The following EVC variants were observed in gnomAD, a reference collection of about 807,000 sequenced individuals.
EVC encodes the protein EvC ciliary complex subunit 1.
Under a neutral mutation model 118.9 loss-of-function variants are expected in EVC, and 116 were observed. That is an observed-to-expected ratio of 0.98 (90% CI 0.84 to 1.14). EVC has a LOEUF of 1.14. Among genes scored for constraint, EVC ranks in the 50% most tolerant of loss-of-function variants. The pLI, the probability that EVC is intolerant of heterozygous loss-of-function variation, is 0.00. For missense variants in EVC, 1,401 were observed against 1,246.4 expected (o/e 1.12, Z -1.87); for synonymous variants, 619 against 534.7 (o/e 1.16, Z -2.18).
intron 12 of EVC, among the ~76,000 whole-genome samples, chr4:5,784,748 C>A (rs1327139053): frequency 1.3e-5 from 2 of 151,460 alleles, no homozygotes; most frequent in East Asian, 3.9e-4. Context: ...GCTGGGATTA[C>A]AGGCACGTGC....
In EVC at chr4:5,762,314, G is replaced by C. The variant is rs1023495557; in HGVS notation, c.1563+5952G>C. 9.1e-4 allele frequency among the ~76,000 whole-genome samples: 125 copies of C among 137,494 alleles called. 2 individuals are homozygous for C. Among genetic ancestry groups the C allele is most frequent in the Non-Finnish European group, 1.4e-3 (91 of 63,228 alleles). 90.2% of individuals were successfully genotyped at this position (137,494 alleles called of 152,430 possible). A position where few individuals can be genotyped will look rare whatever the true frequency, so the allele number is the denominator to read the frequency against. On this transcript the variant is annotated intron_variant, in intron 11 of 20. Transcript: ENST00000264956. Reference sequence around the variant, plus strand: ...TCCAGTCTATCATTGTTGGACATTTGGGTTGGTTCCAAGTCTTTGCTATTG... The same window carrying C: ...TCCAGTCTATCATTGTTGGACATTTCGGTTGGTTCCAAGTCTTTGCTATTG...
chr4:5,787,057 A>C lies in EVC; in HGVS notation c.1776+3293A>C, dbSNP rs189998032. Among the ~76,000 whole-genome samples the C allele has an allele frequency of 3.3e-3, 502 of 152,268 alleles. 2 individuals are homozygous for C. The highest frequency in any genetic ancestry group is 5.5e-3 in the Non-Finnish European group (371 of 68,004). ...ATCGACTACAAATTGCCTTTCCCAC[A>C]TTGTTTTCTATCCAAAAAGACAGTG... On this transcript the variant is annotated intron_variant, in intron 12 of 20. Coordinates refer to ENST00000264956, the MANE Select transcript of EVC (RefSeq NM_153717.3).
chr4:5,739,495 C>A (rs1272635977), intron 5 of EVC, among the ~76,000 whole-genome samples: 1 of 152,136 alleles, frequency 6.6e-6, no homozygotes, highest in African/African-American at 2.4e-5. Context: ...TCCCCGCATG[C>A]CATGGAGATC....
Position 5,752,861 on chromosome 4 carries a change from G to A in EVC, c.1124G>A (p.Arg375Gln), listed in dbSNP as rs780775899. ...GACGCCCTGGAGAGGACGATGGGGC[G>A]GGCGCACATGGCAAAAGTGATTGAG... ...ALDALERTMGRAHMAKVIEFL... is the reference protein window; with the variant it reads ...ALDALERTMGQAHMAKVIEFL... The change falls in exon 9 of 21, where the codon CGG becomes CAG. Residue 375 changes from arginine to glutamine, a missense_variant. Arg to Gln is a conservative substitution (Grantham distance 43, BLOSUM62 1). Coordinates refer to ENST00000264956, the MANE Select transcript of EVC (RefSeq NM_153717.3). The A allele has an allele frequency of 1.4e-5, 23 of 1,614,092 alleles. No homozygotes were observed. Among genetic ancestry groups the A allele is most frequent in the South Asian group, 3.3e-5 (3 of 91,096 alleles).
chr4:5,805,486 C>A (rs1325486206), intron 17 of EVC, among the ~76,000 whole-genome samples: 1 of 152,178 alleles, frequency 6.6e-6, no homozygotes, highest in Non-Finnish European at 1.5e-5. Context: ...ACCGAACTTG[C>A]CCTAACTTTC....
rs1714324052 is a variant in EVC at position 5,798,175 on chromosome 4, T to G, written c.2098-411T>G. On this transcript the variant is annotated intron_variant, in intron 14 of 20. Coordinates refer to ENST00000264956, the MANE Select transcript of EVC (RefSeq NM_153717.3). This position sits in a 1 kb window ranked among gnomAD's most constrained non-coding sequence, Gnocchi z 4.1. ...AGAGCCCTGTGTGCCCTGCCTCAGC[T>G]TCTGTGATATCCTGAGACTCACATC... Among the ~76,000 whole-genome samples the G allele has an allele frequency of 6.6e-6, 1 of 152,218 alleles. No individual in the cohort carries two copies. Among genetic ancestry groups the G allele is most frequent in the African/African-American group, 2.4e-5 (1 of 41,458 alleles).
At chr4:5,788,121 C>T (rs1414129347) in intron 12 of EVC, among the ~76,000 whole-genome samples, 1 of 152,136 alleles carries the variant, frequency 6.6e-6, no homozygotes, top group African/African-American at 2.4e-5. Context: ...CTCAGTGATC[C>T]CATCCAGTCA....
rs1729456724 is a variant in EVC, at chr4:5,746,994, G to A, written c.940-1154G>A. ...GTCTGCAGTCACGTGGCAGGTGGAAGGCAGGTCATCTGATGGCTCCAAGGG... is the reference window on the plus strand; with the variant it reads ...GTCTGCAGTCACGTGGCAGGTGGAAAGCAGGTCATCTGATGGCTCCAAGGG... On this transcript the variant is annotated intron_variant, in intron 7 of 20. Transcript: ENST00000264956. The surrounding 1 kb of genome is among the most constrained non-coding windows in gnomAD (Gnocchi z 5.8). Among the ~76,000 whole-genome samples the A allele has an allele frequency of 2.6e-5, 4 of 152,116 alleles. No individual in the cohort carries two copies. Among genetic ancestry groups the A allele is most frequent in the Admixed American group, 2.6e-4 (4 of 15,278 alleles).
Position 5,807,355 on chromosome 4 carries a change from G to A in EVC, c.2562-846G>A, listed in dbSNP as rs530921601. The stretch of plus-strand genomic sequence containing the variant: ...AACAGAGAGGAAAGGTGTTACTGGC[G>A]GACAGAAGAGTGTGAGGTAGGAGCA... On this transcript the variant is annotated intron_variant, in intron 17 of 20. Coordinates refer to ENST00000264956, the MANE Select transcript of EVC (RefSeq NM_153717.3). Among the ~76,000 whole-genome samples, 19 of 152,258 alleles carry A rather than the reference G, an allele frequency of 1.2e-4. No individual in the cohort carries two copies. In the South Asian group the frequency reaches 2.3e-3, roughly 18 times the overall value.
chr4:5,784,173 C>G (rs1736071550), intron 12 of EVC, among the ~76,000 whole-genome samples: 2 of 152,084 alleles, frequency 1.3e-5, no homozygotes, highest in South Asian at 2.1e-4. Flanking sequence ...AGAATCGTGA[C>G]CCCTCAAAGA....
chr4:5,750,503 T>G (rs1283944212), intron 8 of EVC, among the ~76,000 whole-genome samples: 1 of 152,212 alleles, frequency 6.6e-6, no homozygotes, highest in African/African-American at 2.4e-5. Context: ...AGGTTAGGAA[T>G]GCAGGCTCAG....
chr4:5,718,351 A>G (rs2151834540), intron 1 of EVC, among the ~76,000 whole-genome samples: 1 of 152,308 alleles, frequency 6.6e-6, no homozygotes, highest in East Asian at 1.9e-4. Context: ...TTGGACTCAC[A>G]GACATCAGCT....
chr4:5,748,209 G>C lies in EVC; in HGVS notation c.1001G>C (p.Cys334Ser), dbSNP rs762140246. The C allele has an allele frequency of 2.5e-6, 4 of 1,614,178 alleles. No individual in the cohort carries two copies. The South Asian group carries it at 3.3e-5, about 13-fold the overall frequency. ...CACTTTCTTGTGGACCAGTTTAAGT[G>C]TTCCAGCTCCAAAGCCCGACAGCTG... ...IQHFLVDQFK[C>S]SSSKARQLMM... The change falls in exon 8 of 21, where the codon TGT becomes TCT. Residue 334 changes from cysteine to serine, a missense_variant. Cys to Ser is a moderately radical substitution (Grantham distance 112). Transcript: ENST00000264956.
At chr4:5,822,014 A>G in the EVC span, among the ~76,000 whole-genome samples, 5 of 125,960 alleles carry the variant, frequency 4.0e-5, no homozygotes, top group Non-Finnish European at 8.3e-5. Flanking sequence ...CACAGAGTCC[A>G]CTGCTCCCTC....
At chr4:5,732,281 C>G (rs923233452) in intron 4 of EVC, among the ~76,000 whole-genome samples, 69 of 152,224 alleles carry the variant, frequency 4.5e-4, no homozygotes, top group African/African-American at 1.6e-3. Context: ...AGGCCTCAGG[C>G]CTCTCTCTGC....
intron 1 of EVC, among the ~76,000 whole-genome samples, chr4:5,711,863 C>G (rs953755914): frequency 2.0e-5 from 3 of 152,222 alleles, no homozygotes; most frequent in African/African-American, 7.2e-5. Context: ...AGGACGCTGG[C>G]CCTGCTCGCC....
rs183178539 is a variant in EVC at position 5,742,848 on chromosome 4, C to G, written c.801+1034C>G. On this transcript the variant is annotated intron_variant, in intron 6 of 20. Coordinates refer to ENST00000264956, the MANE Select transcript of EVC (RefSeq NM_153717.3). The surrounding 1 kb of genome is among the most constrained non-coding windows in gnomAD (Gnocchi z 5.2). ...ACTTGGCTTCACCTAGGAAGGAATT[C>G]AAGGGAGAGCCAGTGGTGTTAGACA... Among the ~76,000 whole-genome samples the G allele has an allele frequency of 2.0e-5, 3 of 152,256 alleles. No individual in the cohort carries two copies. Among genetic ancestry groups the G allele is most frequent in the African/African-American group, 7.2e-5 (3 of 41,542 alleles).
chr4:5,759,972 CA>C (rs1406972214), intron 11 of EVC, among the ~76,000 whole-genome samples: 2 of 152,100 alleles, frequency 1.3e-5, no homozygotes, highest in Admixed American at 1.3e-4. Flanking sequence ...CAACTTGAAG[CA>C]AAGACAGGAA....
chr4:5,753,102 C>G, intron 9 of EVC, 50 bp downstream of exon 9: 2 of 1,509,770 alleles, frequency 1.3e-6, no homozygotes, highest in Non-Finnish European at 1.8e-6. Context: ...CCTTCTGGGT[C>G]CCTGGGGCTG....
Sources: gnomAD v4.1 joint callset for allele counts (sites outside exome capture counted in the v4.1 genomes callset) on GRCh38, gnomAD v4.1.1 for gene constraint, Gnocchi (gnomAD v3.1) non-coding constraint, MANE v1.5 for transcripts, NCBI Gene and HGNC (gene_info 2026-07-23, HGNC 2026-07-21) for gene names.